MARCHF1: variants seen among roughly 807,000 people sequenced by gnomAD.
MARCHF1 encodes E3 ubiquitin-protein ligase MARCHF1.
A neutral mutation model predicts 54.2 loss-of-function variants in MARCHF1; 40 were observed. The ratio of observed to expected loss-of-function variants is 0.74; its 90% CI spans 0.57 to 0.96. MARCHF1 has a LOEUF of 0.96. Among genes scored for constraint, MARCHF1 ranks in the 40% least tolerant of loss-of-function variants. The probability of loss-of-function intolerance (pLI) is 0.00; values close to 1 mark genes in which losing one functional copy is unlikely to be tolerated. For synonymous variants in MARCHF1, 236 were observed against 236.3 expected (o/e 1.00, Z 0.01); for missense variants, 586 against 656.5 (o/e 0.89, Z 1.17).
At chr4:163,792,104 T>C (rs1173361265) in intron 4 of MARCHF1, among the ~76,000 whole-genome samples, 1 of 152,144 alleles carries the variant, frequency 6.6e-6, no homozygotes, top group Non-Finnish European at 1.5e-5. Flanking sequence ...TCAACAAACA[T>C]AACTTTTACT....
At chr4:163,971,222 G>T (rs748126767) in intron 3 of MARCHF1, among the ~76,000 whole-genome samples, 4 of 152,180 alleles carry the variant, frequency 2.6e-5, no homozygotes, top group African/African-American at 9.7e-5. Context: ...CAAGTAGTGG[G>T]ATAGAGTGTA....
chr4:164,179,491 C>T (rs1354756381), intron 1 of MARCHF1, among the ~76,000 whole-genome samples: 1 of 151,990 alleles, frequency 6.6e-6, no homozygotes, highest in East Asian at 1.9e-4. Context: ...GTTTCAAAAA[C>T]ACAATATGCT....
intron 2 of MARCHF1, among the ~76,000 whole-genome samples, chr4:164,082,458 G>A (rs1755121108): frequency 6.6e-6 from 1 of 152,066 alleles, no homozygotes; most frequent in Non-Finnish European, 1.5e-5. Context: ...TCTTCAATAT[G>A]GCTTTGAGCT....
At chr4:164,091,863 TG>T (rs1404738878) in intron 2 of MARCHF1, among the ~76,000 whole-genome samples, 2 of 412 alleles carry the variant, frequency 4.9e-3, no homozygotes, top group Admixed American at 0.026. Context: ...TGTATACTTT[TG>T]TGTGTGTGTG....
chr4:164,042,012 T>C (rs1311493177), intron 2 of MARCHF1, among the ~76,000 whole-genome samples: 1 of 152,222 alleles, frequency 6.6e-6, no homozygotes, highest in Non-Finnish European at 1.5e-5. Flanking sequence ...TGTCACTTAT[T>C]GCCGCAGCTC....
chr4:164,146,906 A>G (rs1029128697), intron 1 of MARCHF1, among the ~76,000 whole-genome samples: 1 of 149,900 alleles, frequency 6.7e-6, no homozygotes, highest in Non-Finnish European at 1.5e-5. Context: ...ATGGGAGAAA[A>G]TTTTTGCAAC....
intron 2 of MARCHF1, among the ~76,000 whole-genome samples, chr4:164,100,593 T>C (rs1436562955): frequency 2.6e-5 from 4 of 152,260 alleles, no homozygotes; most frequent in East Asian, 3.8e-4. Flanking sequence ...ATGGTTGGTA[T>C]CTACAGCATA....
intron 2 of MARCHF1, among the ~76,000 whole-genome samples, chr4:164,054,686 C>G (rs1579495572): frequency 6.8e-6 from 1 of 147,534 alleles, no homozygotes; most frequent in Non-Finnish European, 1.5e-5. Context: ...GAACAAAAAA[C>G]CAAACACCGC....
intron 2 of MARCHF1, among the ~76,000 whole-genome samples, chr4:164,108,016 A>T (rs17044483): frequency 0.14 from 21,115 of 152,070 alleles, 2,344 homozygotes; most frequent in African/African-American, 0.32. Flanking sequence ...AGTTATTCAG[A>T]GTCTGAAATT....
chr4:163,705,682 A>T (rs1027813387), intron 4 of MARCHF1, among the ~76,000 whole-genome samples: 1 of 152,002 alleles, frequency 6.6e-6, no homozygotes, highest in African/African-American at 2.4e-5. Flanking sequence ...AACCCCTTAT[A>T]GTAATAAAGA....
intron 3 of MARCHF1, among the ~76,000 whole-genome samples, chr4:163,879,493 G>A (rs1000814151): frequency 1.3e-5 from 2 of 152,036 alleles, no homozygotes; most frequent in Non-Finnish European, 2.9e-5. Context: ...ATCTGGAAAG[G>A]TGCTCATGAT....
chr4:163,631,858 C>T (rs777056773), intron 5 of MARCHF1, among the ~76,000 whole-genome samples: 12 of 152,130 alleles, frequency 7.9e-5, no homozygotes, highest in Non-Finnish European at 1.6e-4. Context: ...AAGGACACAA[C>T]AGGATGAAAA....
chr4:163,652,788 T>C (rs1743012473), intron 5 of MARCHF1, among the ~76,000 whole-genome samples: 1 of 151,858 alleles, frequency 6.6e-6, no homozygotes, highest in African/African-American at 2.4e-5. Flanking sequence ...CATTTCCAAG[T>C]AATATTTTCT....
chr4:163,991,594 T>C (rs1752968502), intron 2 of MARCHF1, among the ~76,000 whole-genome samples: 1 of 152,178 alleles, frequency 6.6e-6, no homozygotes, highest in African/African-American at 2.4e-5. Flanking sequence ...CAAGGAGCAA[T>C]GGACCCAGCA....
chr4:163,852,931 A>G (rs1389693), intron 4 of MARCHF1, among the ~76,000 whole-genome samples: 1 of 152,066 alleles, frequency 6.6e-6, no homozygotes, highest in Admixed American at 6.6e-5. Context: ...TATTAGTGCC[A>G]TTATAGAAGA....
intron 3 of MARCHF1, among the ~76,000 whole-genome samples, chr4:163,954,423 T>C (rs997039869): frequency 2.0e-5 from 3 of 152,168 alleles, no homozygotes; most frequent in Non-Finnish European, 4.4e-5. Flanking sequence ...TGAAATATAA[T>C]GAGGTGACAT....
intron 4 of MARCHF1, among the ~76,000 whole-genome samples, chr4:163,817,005 A>T (rs1579310116): frequency 6.6e-6 from 1 of 151,836 alleles, no homozygotes; most frequent in African/African-American, 2.4e-5. Context: ...GTGAATATGG[A>T]CTCTGTCTCT....
chr4:164,274,398 TAGTC>T (rs70952616), intron 1 of MARCHF1, among the ~76,000 whole-genome samples: 16,544 of 152,050 alleles, frequency 0.11, 1,206 homozygotes, highest in Non-Finnish European at 0.17. Flanking sequence ...AACAAGGTGA[TAGTC>T]AGTTCTTCAT....
At chr4:163,821,883 T>A (rs1036845235) in intron 4 of MARCHF1, among the ~76,000 whole-genome samples, 4 of 151,604 alleles carry the variant, frequency 2.6e-5, no homozygotes, top group Admixed American at 1.3e-4. Context: ...GTGGATTTGG[T>A]GTCACAAAAC....
Sources: allele counts gnomAD v4.1 joint callset (sites outside exome capture counted in the v4.1 genomes callset), GRCh38; gene constraint gnomAD v4.1.1; transcripts MANE v1.5; gene names NCBI Gene and HGNC (gene_info 2026-07-23, HGNC 2026-07-21).